MOB1A: variants seen among roughly 807,000 people sequenced by gnomAD.
MOB1A encodes MOB kinase activator 1A, also known as MOB1 Mps One Binder homolog A.
Under a neutral mutation model 25.1 loss-of-function variants are expected in MOB1A, and 10 were observed. The ratio of observed to expected loss-of-function variants is 0.40; its 90% CI spans 0.25 to 0.68. MOB1A has a LOEUF of 0.68. MOB1A is among the 30% of genes least tolerant of loss of function. MOB1A has a pLI of 0.40. For missense variants in MOB1A, 177 were observed against 256.3 expected (o/e 0.69, Z 2.11); for synonymous variants, 81 against 79.5 (o/e 1.02, Z -0.10).
In MOB1A at chr2:74,169,276, C is replaced by T. The variant is rs1023926104; in HGVS notation, c.182-2169G>A. ...CAGCACTTTGGGAGGATGAGGCAGG[C>T]GGATCACTTGAGGCCAGGAGTTCTA... is the stretch of plus-strand genomic sequence containing the variant. On this transcript the variant is annotated intron_variant, in intron 2 of 5. Coordinates refer to ENST00000396049, the MANE Select transcript of MOB1A (RefSeq NM_018221.5). Among the ~76,000 whole-genome samples the T allele has an allele frequency of 8.5e-5, 13 of 152,208 alleles. No homozygotes were observed. The East Asian group carries it at 1.5e-3, about 18-fold the overall frequency.
intron 3 of MOB1A, among the ~76,000 whole-genome samples, chr2:74,165,870 C>G (rs993405998): frequency 7.9e-5 from 12 of 152,100 alleles, no homozygotes; most frequent in Admixed American, 1.3e-4. Context: ...GCATTTGAGC[C>G]ATAGGTAAGT....
intron 2 of MOB1A, among the ~76,000 whole-genome samples, chr2:74,170,533 G>A (rs369027239): frequency 1.3e-5 from 2 of 151,750 alleles, no homozygotes; most frequent in African/African-American, 2.4e-5. Flanking sequence ...TCAGGAGTTC[G>A]AGACCAGCCT....
intron 1 of MOB1A, among the ~76,000 whole-genome samples, chr2:74,176,895 T>C (rs974309939): frequency 6.6e-6 from 1 of 152,052 alleles, no homozygotes; most frequent in Non-Finnish European, 1.5e-5. Context: ...AGGTTAAACA[T>C]AGTTACCACT....
intron 3 of MOB1A, 136 bp from the exon 4 acceptor site, chr2:74,165,487 G>A: frequency 2.0e-6 from 1 of 498,520 alleles, no homozygotes; most frequent in South Asian, 4.3e-5. Flanking sequence ...AAGTTCTACT[G>A]AAGATTACTG....
At chr2:74,162,270 C>G (rs1335581676) in intron 4 of MOB1A, among the ~76,000 whole-genome samples, 1 of 151,962 alleles carries the variant, frequency 6.6e-6, no homozygotes, top group Non-Finnish European at 1.5e-5. Flanking sequence ...CACTTGAGGT[C>G]AGGAGTTCGA....
intron 5 of MOB1A, 137 bp downstream of exon 5, chr2:74,158,954 A>G: frequency 1.1e-6 from 1 of 885,708 alleles, no homozygotes; most frequent in Non-Finnish European, 1.8e-6. Flanking sequence ...AATGTGGAAA[A>G]GAGAACAAAA....
chr2:74,159,942 A>G (rs1328554336), intron 4 of MOB1A, among the ~76,000 whole-genome samples: 1 of 151,056 alleles, frequency 6.6e-6, no homozygotes, highest in Non-Finnish European at 1.5e-5. Flanking sequence ...TCAGCCTCCA[A>G]AGTAGCTGGG....
intron 2 of MOB1A, among the ~76,000 whole-genome samples, chr2:74,169,772 G>T (rs1693233156): frequency 6.6e-6 from 1 of 151,906 alleles, no homozygotes; most frequent in Non-Finnish European, 1.5e-5. Context: ...GGGATTACAG[G>T]TGTGTGCCAC....
chr2:74,173,384 T>G (rs910789389), intron 1 of MOB1A, among the ~76,000 whole-genome samples: 133 of 144,422 alleles, frequency 9.2e-4, no homozygotes, highest in Non-Finnish European at 1.6e-3. Context: ...CGGTTTTTTT[T>G]TTTTTTTTTT....
chr2:74,171,028 C>T (rs1693278787), intron 2 of MOB1A, among the ~76,000 whole-genome samples: 1 of 152,026 alleles, frequency 6.6e-6, no homozygotes, highest in Non-Finnish European at 1.5e-5. Flanking sequence ...GCCTGTAATC[C>T]CTGCACTTTG....
rs1450867866 is a variant in MOB1A, at chr2:74,155,820, T to C, written c.*748A>G. On this transcript the variant is annotated 3_prime_UTR_variant, in exon 6 of 6. Transcript: ENST00000396049. ...TTCAGTTTAAAAGCCTGGAAGACCA[T>C]CCTTAGAAGACATTAAAAAATTACT... The C allele has an allele frequency of 6.6e-6, 1 of 152,320 alleles. No individual in the cohort carries two copies. The highest frequency in any genetic ancestry group is 1.5e-5 in the Non-Finnish European group (1 of 67,964). 9.4% of individuals were successfully genotyped at this position (152,320 alleles called of 1,614,324 possible).
At chr2:74,175,987 T>C (rs912573853) in intron 1 of MOB1A, among the ~76,000 whole-genome samples, 1 of 151,716 alleles carries the variant, frequency 6.6e-6, no homozygotes, top group African/African-American at 2.4e-5. Context: ...GGCTCACACC[T>C]GTAATCCCAG....
At chr2:74,167,881 A>G (rs910857647) in intron 2 of MOB1A, among the ~76,000 whole-genome samples, 10 of 152,152 alleles carry the variant, frequency 6.6e-5, no homozygotes, top group Non-Finnish European at 2.9e-5. Context: ...TCATGCCTGT[A>G]ATCCCAGCAC....
intron 5 of MOB1A, among the ~76,000 whole-genome samples, chr2:74,158,440 G>A (rs907835493): frequency 1.3e-5 from 2 of 152,058 alleles, no homozygotes; most frequent in African/African-American, 4.8e-5. Flanking sequence ...TAGGCTAAAG[G>A]CATACCAATT....
In MOB1A at chr2:74,156,435, C is replaced by G; in HGVS notation, c.*133G>C. The G allele has an allele frequency of 1.4e-6, 1 of 734,538 alleles. No homozygotes were observed. Among genetic ancestry groups the G allele is most frequent in the Non-Finnish European group, 2.3e-6 (1 of 431,050 alleles). 45.5% of individuals were successfully genotyped at this position (734,538 alleles called of 1,614,324 possible). On this transcript the variant is annotated 3_prime_UTR_variant, in exon 6 of 6. Coordinates refer to ENST00000396049, the MANE Select transcript of MOB1A (RefSeq NM_018221.5). ...CAACCTACCTTTGGGATAATTTTAT[C>G]AGTAGACACAGGCAATGGGTATCTT... is the stretch of plus-strand genomic sequence containing the variant.
At chr2:74,167,703 C>G (rs992515424) in intron 2 of MOB1A, among the ~76,000 whole-genome samples, 1 of 152,104 alleles carries the variant, frequency 6.6e-6, no homozygotes, top group Non-Finnish European at 1.5e-5. Flanking sequence ...CAGCTGTATC[C>G]AGAGGCATTT....
At position 74,173,521 on chromosome 2, in the gene MOB1A, T is replaced by C. The variant is rs1179662104; in HGVS notation, c.15-769A>G. ...TCAGCCTCTCGAGTAGCTGGGATTA[T>C]AGGCATGCACCACCACACCCAGCTA... is the stretch of plus-strand genomic sequence containing the variant. On this transcript the variant is annotated intron_variant, in intron 1 of 5. Coordinates refer to ENST00000396049, the MANE Select transcript of MOB1A (RefSeq NM_018221.5). Among the ~76,000 whole-genome samples, 11 of 151,482 alleles carry C rather than the reference T, an allele frequency of 7.3e-5. No homozygotes were observed. In the East Asian group the frequency reaches 9.9e-4, roughly 14 times the overall value.
At chr2:74,167,915 C>T (rs1217100328) in intron 2 of MOB1A, among the ~76,000 whole-genome samples, 1 of 152,066 alleles carries the variant, frequency 6.6e-6, no homozygotes, top group Non-Finnish European at 1.5e-5. Context: ...GGTAGAAGGA[C>T]TGGTTGAGCC....
Position 74,178,709 on chromosome 2 carries a change from G to GC in MOB1A, c.-36dup. 20 of 1,219,886 alleles carry GC rather than the reference G, an allele frequency of 1.6e-5. No homozygotes were observed. The South Asian group carries it at 4.2e-4, about 26-fold the overall frequency. The allele number at this position is 1,219,886 out of a possible 1,614,324, so 75.6% of individuals were successfully genotyped here. On this transcript the variant is annotated 5_prime_UTR_variant, in exon 1 of 6. Transcript: ENST00000396049. ...TCAGAGGGGAGGCGAGGGGCCCCTG[G>GC]CCCCCGCCTGGATCAGGATTCGGAG...
Sources: allele counts gnomAD v4.1 joint callset (sites outside exome capture counted in the v4.1 genomes callset), GRCh38; gene constraint gnomAD v4.1.1; transcripts MANE v1.5; gene names NCBI Gene and HGNC (gene_info 2026-07-23, HGNC 2026-07-21).